Variants in GRIN2A observed in about 807,000 individuals in gnomAD.
GRIN2A encodes the protein glutamate ionotropic receptor NMDA type subunit 2A, also known as glutamate receptor ionotropic, NMDA 2A.
In GRIN2A, 22 loss-of-function variants were observed where a neutral mutation model predicts 113.4. That is an observed-to-expected ratio of 0.19 (90% CI 0.14 to 0.28). The LOEUF is 0.28. GRIN2A is among the 10% of genes least tolerant of loss of function. The pLI is 1.00. For synonymous variants in GRIN2A, 827 were observed against 738.4 expected (o/e 1.12, Z -1.94); for missense variants, 1,502 against 1,887.0 (o/e 0.80, Z 3.78).
At chr16:10,112,436 C>T (rs372170176) in intron 2 of GRIN2A, 33 of 753,140 alleles carry the variant, frequency 4.4e-5, no homozygotes, top group African/African-American at 1.7e-4. Flanking sequence ...TGGCCAAGTA[C>T]GCTCAGCACT....
intron 2 of GRIN2A, among the ~76,000 whole-genome samples, chr16:10,003,158 C>T (rs945519487): frequency 5.1e-4 from 77 of 152,306 alleles, no homozygotes; most frequent in African/African-American, 1.8e-3. Context: ...TGTCTTCCTA[C>T]ATGGGGAGTA....
At chr16:10,070,449 T>G (rs1041421378) in intron 2 of GRIN2A, among the ~76,000 whole-genome samples, 10 of 152,184 alleles carry the variant, frequency 6.6e-5, no homozygotes, top group African/African-American at 2.2e-4. Flanking sequence ...AGTTTGAGAA[T>G]CACTGGTCCA....
intron 2 of GRIN2A, among the ~76,000 whole-genome samples, chr16:9,991,598 G>A (rs2046114063): frequency 6.6e-6 from 1 of 152,048 alleles, no homozygotes; most frequent in Admixed American, 6.6e-5. Flanking sequence ...GCCACCCTCT[G>A]TGTCCATGTG....
At chr16:9,887,093 C>T (rs530570679) in intron 4 of GRIN2A, among the ~76,000 whole-genome samples, 3 of 152,198 alleles carry the variant, frequency 2.0e-5, no homozygotes, top group African/African-American at 4.8e-5. Context: ...CATCATGTTG[C>T]CCAGGTTGGT....
At chr16:10,067,907 T>C (rs1280275009) in intron 2 of GRIN2A, among the ~76,000 whole-genome samples, 3 of 152,242 alleles carry the variant, frequency 2.0e-5, no homozygotes, top group Non-Finnish European at 4.4e-5. Context: ...AATGTCATGA[T>C]GCCAAAGCTA....
At chr16:9,921,561 T>C (rs1046210529) in intron 3 of GRIN2A, among the ~76,000 whole-genome samples, 1 of 152,244 alleles carries the variant, frequency 6.6e-6, no homozygotes, top group African/African-American at 2.4e-5. Flanking sequence ...AGAGATGTTG[T>C]GACAATAATA....
chr16:10,170,165 G>C (rs987163556), intron 2 of GRIN2A, among the ~76,000 whole-genome samples: 8 of 152,170 alleles, frequency 5.3e-5, no homozygotes, highest in African/African-American at 1.9e-4. Context: ...GAAACAAAAT[G>C]CATCTATGAG....
intron 2 of GRIN2A, among the ~76,000 whole-genome samples, chr16:10,116,266 C>T (rs1233448515): frequency 6.6e-6 from 1 of 152,134 alleles, no homozygotes; most frequent in Non-Finnish European, 1.5e-5. Flanking sequence ...GAGAGCTGAA[C>T]AATGAGAACA....
At chr16:9,936,940 C>T (rs927809759) in intron 3 of GRIN2A, among the ~76,000 whole-genome samples, 9 of 152,122 alleles carry the variant, frequency 5.9e-5, no homozygotes, top group African/African-American at 2.2e-4. Flanking sequence ...GCAATAGATG[C>T]TTCCATTTAA....
In GRIN2A at chr16:9,763,834, T is replaced by TCGCA; in HGVS notation, c.3706_3709dup (p.Asp1237ValfsTer12). On this transcript the variant is annotated frameshift_variant, in exon 13 of 13. Coordinates refer to ENST00000330684, the MANE Select transcript of GRIN2A (RefSeq NM_001134407.3). LOFTEE classifies it high-confidence loss of function. ...GAGGTTCCCCATCCGCAGGCAGGCA[T>TCGCA]CGCACTTGAAGGGGGACCTCATGGT... The TCGCA allele has an allele frequency of 6.2e-7, 1 of 1,614,104 alleles. No homozygotes were observed. Among genetic ancestry groups the TCGCA allele is most frequent in the Non-Finnish European group, 8.5e-7 (1 of 1,180,000 alleles).
At chr16:10,109,075 G>C (rs886572632) in intron 2 of GRIN2A, among the ~76,000 whole-genome samples, 2 of 135,392 alleles carry the variant, frequency 1.5e-5, no homozygotes, top group African/African-American at 5.9e-5. Flanking sequence ...AAGAAGAAAA[G>C]AGACTATCAG....
chr16:10,149,106 A>G (rs2049508719), intron 2 of GRIN2A, among the ~76,000 whole-genome samples: 1 of 152,212 alleles, frequency 6.6e-6, no homozygotes, highest in Non-Finnish European at 1.5e-5. Flanking sequence ...GGGAATAGGG[A>G]TGGTTAATGG....
chr16:9,797,866 C>G (rs1353002608), intron 11 of GRIN2A, among the ~76,000 whole-genome samples: 2 of 152,124 alleles, frequency 1.3e-5, no homozygotes, highest in East Asian at 3.9e-4. Context: ...AAGCAGATTC[C>G]CAGCCGTGAT....
chr16:10,117,455 T>A (rs2048748401), intron 2 of GRIN2A, among the ~76,000 whole-genome samples: 1 of 152,218 alleles, frequency 6.6e-6, no homozygotes, highest in African/African-American at 2.4e-5. Flanking sequence ...ATAGGAGAGT[T>A]ATCTCTGCTT....
At chr16:10,026,544 C>T (rs1167976529) in intron 2 of GRIN2A, among the ~76,000 whole-genome samples, 1 of 139,136 alleles carries the variant, frequency 7.2e-6, no homozygotes, top group Non-Finnish European at 1.5e-5. Context: ...ATCACTTCGC[C>T]CTCTGATTTA....
chr16:9,855,960 A>G (rs2042960021), intron 4 of GRIN2A, among the ~76,000 whole-genome samples: 1 of 152,200 alleles, frequency 6.6e-6, no homozygotes, highest in African/African-American at 2.4e-5. Flanking sequence ...TTCTCTAAAG[A>G]AGGGCATGAG....
intron 2 of GRIN2A, among the ~76,000 whole-genome samples, chr16:10,103,662 A>G (rs1170704914): frequency 1.3e-5 from 2 of 152,166 alleles, no homozygotes. Flanking sequence ...GTCCATATGT[A>G]TGCCGGAATC....
chr16:9,770,364 A>G (rs1039220171), intron 11 of GRIN2A, among the ~76,000 whole-genome samples: 2 of 152,230 alleles, frequency 1.3e-5, no homozygotes, highest in South Asian at 2.1e-4. Context: ...AAGTCAATCA[A>G]AATGATTTAA....
chr16:9,963,152 G>A (rs2045477079), intron 2 of GRIN2A, among the ~76,000 whole-genome samples: 1 of 150,094 alleles, frequency 6.7e-6, no homozygotes, highest in Non-Finnish European at 1.5e-5. Flanking sequence ...ATAGCATTAG[G>A]AGATATACCT....
Sources: allele counts gnomAD v4.1 joint callset (sites outside exome capture counted in the v4.1 genomes callset), GRCh38; gene constraint gnomAD v4.1.1; transcripts MANE v1.5; gene names NCBI Gene and HGNC (gene_info 2026-07-23, HGNC 2026-07-21).